CHEK2: variants seen among roughly 807,000 people sequenced by gnomAD.
The protein encoded by CHEK2 is serine/threonine-protein kinase Chk2.
In CHEK2, 71 loss-of-function variants were observed where a neutral mutation model predicts 69.1. The observed-to-expected ratio is 1.03, with a 90% CI of 0.85 to 1.25. CHEK2 has a LOEUF of 1.25. CHEK2 is among the 50% of genes most tolerant of loss of function. The pLI is 0.00. For synonymous variants in CHEK2, 189 were observed against 226.9 expected, an observed-to-expected ratio of 0.83 and a Z score of 1.50; for missense variants, 664 against 649.6, an observed-to-expected ratio of 1.02 and a Z score of -0.24.
intron 7 of CHEK2, among the ~76,000 whole-genome samples, chr22:28,706,957 A>G (rs1022350729): frequency 2.6e-5 from 4 of 152,126 alleles, no homozygotes; most frequent in Non-Finnish European, 5.9e-5. Flanking sequence ...CAAAAAGAAA[A>G]GACACATATA....
intron 4 of CHEK2, among the ~76,000 whole-genome samples, chr22:28,720,085 A>G (rs577178044): frequency 7.1e-6 from 1 of 140,530 alleles, no homozygotes; most frequent in African/African-American, 2.6e-5. Context: ...GTATCTTAAA[A>G]AAAGTAATTT....
At chr22:28,734,749 A>T in intron 1 of CHEK2, 22 bp from the exon 2 acceptor site, 1 of 1,606,966 alleles carries the variant, frequency 6.2e-7, no homozygotes, top group Non-Finnish European at 8.5e-7. Flanking sequence ...AGTGTCCAAC[A>T]ACAAAGGTGA....
rs1601723329 is a variant in CHEK2, at chr22:28,695,837, T to A, written c.1132A>T (p.Thr378Ser). 5 of 1,613,194 alleles carry A rather than the reference T, an allele frequency of 3.1e-6. No individual in the cohort carries two copies. Among genetic ancestry groups the A allele is most frequent in the Non-Finnish European group, 4.2e-6 (5 of 1,179,356 alleles). The stretch of plus-strand genomic sequence containing the variant: ...CCACATAAGGTTCTCATGAGAGAGG[T>A]CTCTCCCAAAATCTTGGAGTGCCCA... The part of the protein sequence containing the change: ...DFGHSKILGE[T>S]SLMRTLCGTP... The change falls in exon 11 of 15, where the codon ACC (threonine) becomes TCC (serine). Residue 378 changes from threonine to serine, a missense_variant. Transcript: ENST00000404276.
chr22:28,697,216 C>A, intron 9 of CHEK2, among the ~76,000 whole-genome samples: 1 of 152,132 alleles, frequency 6.6e-6, no homozygotes, highest in Non-Finnish European at 1.5e-5. Flanking sequence ...ATTAACCTTT[C>A]ATTTCACTTT....
chr22:28,700,540 C>A (rs982154491), intron 8 of CHEK2, among the ~76,000 whole-genome samples: 1 of 152,002 alleles, frequency 6.6e-6, no homozygotes. Flanking sequence ...TTATCACACA[C>A]CACAGATGAT....
At chr22:28,720,146 AG>A (rs747800847) in intron 4 of CHEK2, among the ~76,000 whole-genome samples, 4 of 143,594 alleles carry the variant, frequency 2.8e-5, no homozygotes, top group Non-Finnish European at 6.0e-5. Context: ...GCTGGAGTGC[AG>A]TGGCATGACC....
chr22:28,703,105 C>A (rs1019897533), intron 8 of CHEK2, among the ~76,000 whole-genome samples: 8 of 152,150 alleles, frequency 5.3e-5, no homozygotes, highest in African/African-American at 1.4e-4. Context: ...ACACATGTGC[C>A]AGGTGCTCTG....
At chr22:28,737,918 AGG>A (rs2054458982) in intron 1 of CHEK2, 1 of 152,272 alleles carries the variant, frequency 6.6e-6, no homozygotes. Context: ...CAAGATACAA[AGG>A]TTCTGCCAGG....
intron 9 of CHEK2, among the ~76,000 whole-genome samples, chr22:28,698,032 C>T (rs1569117803): frequency 6.6e-6 from 1 of 151,682 alleles, no homozygotes; most frequent in Non-Finnish European, 1.5e-5. Context: ...TTGCGTTGTA[C>T]CCCATAAACA....
chr22:28,738,723 T>C (rs1406834537), intron 1 of CHEK2, among the ~76,000 whole-genome samples: 1 of 152,170 alleles, frequency 6.6e-6, no homozygotes, highest in African/African-American at 2.4e-5. Flanking sequence ...ACACTCATCT[T>C]GGGCACAGGT....
intron 12 of CHEK2, 42 bp downstream of exon 12, chr22:28,695,085 A>G (rs2052508928): frequency 2.4e-6 from 3 of 1,252,276 alleles, no homozygotes; most frequent in South Asian, 1.2e-5. Context: ...GCACATACAC[A>G]TTTTAGCATA....
chr22:28,724,350 G>T (rs1017839934), intron 4 of CHEK2, among the ~76,000 whole-genome samples: 2 of 151,872 alleles, frequency 1.3e-5, no homozygotes, highest in African/African-American at 4.8e-5. Flanking sequence ...CAGAGGTTGC[G>T]GTGAGCCGAG....
chr22:28,729,241 C>A, intron 2 of CHEK2: 1 of 255,482 alleles, frequency 3.9e-6, no homozygotes, highest in South Asian at 3.3e-5. Flanking sequence ...TACAAATGAC[C>A]AAACAAGAAT....
intron 2 of CHEK2, among the ~76,000 whole-genome samples, chr22:28,733,229 C>G (rs2054269986): frequency 6.6e-6 from 1 of 152,180 alleles, no homozygotes; most frequent in Non-Finnish European, 1.5e-5. Context: ...AACAAGTAGT[C>G]AACAAATGGC....
chr22:28,695,751 A>C lies in CHEK2; in HGVS notation c.1218T>G (p.Arg406=), dbSNP rs2052553322. The C allele has an allele frequency of 6.2e-7, 1 of 1,613,866 alleles. No individual in the cohort carries two copies. The highest frequency in any genetic ancestry group is 8.5e-7 in the Non-Finnish European group (1 of 1,179,740). Reference sequence around the variant, plus strand: ...CTCCTAAACTCCAGCAGTCCACAGCACGGTTATACCCAGCAGTCCCAACAG... The same window carrying C: ...CTCCTAAACTCCAGCAGTCCACAGCCCGGTTATACCCAGCAGTCCCAACAG... ...LVSVGTAGYN[R]AVDCWSLGVI... Residue 406 remains arginine, a synonymous_variant, in exon 11 of 15, where the codon CGT becomes CGG. Transcript: ENST00000404276.
At position 28,696,087 on chromosome 22, in the gene CHEK2, C is replaced by T. The variant is rs141025365; in HGVS notation, c.1096-214G>A. ...ATTCCTGAGCCTAGGAATCTCAACA[C>T]TCAGGCTTTCCAACTTAACCTATGT... On this transcript the variant is annotated intron_variant, in intron 10 of 14. Transcript: ENST00000404276. Among the ~76,000 whole-genome samples the T allele has an allele frequency of 4.1e-3, 629 of 152,304 alleles. 3 individuals carry two copies. The highest frequency in any genetic ancestry group is 0.013 in the South Asian group (61 of 4,824).
At chr22:28,701,954 ATT>A (rs35082981) in intron 8 of CHEK2, among the ~76,000 whole-genome samples, 3 of 145,718 alleles carry the variant, frequency 2.1e-5, no homozygotes, top group Admixed American at 6.9e-5. Context: ...CCCATATACT[ATT>A]TTTTTTTTTT....
chr22:28,688,252 T>C (rs1190480399), intron 14 of CHEK2, among the ~76,000 whole-genome samples: 1 of 152,152 alleles, frequency 6.6e-6, no homozygotes, highest in African/African-American at 2.4e-5. Context: ...ACCAACTTCC[T>C]CTTGATCGTC....
At chr22:28,731,765 C>G (rs2054224559) in intron 2 of CHEK2, among the ~76,000 whole-genome samples, 1 of 152,032 alleles carries the variant, frequency 6.6e-6, no homozygotes, top group Admixed American at 6.6e-5. Context: ...TGGGTTCAAG[C>G]TATCCTCCCA....
Sources: allele counts gnomAD v4.1 joint callset (sites outside exome capture counted in the v4.1 genomes callset), GRCh38; gene constraint gnomAD v4.1.1; transcripts MANE v1.5; gene names NCBI Gene and HGNC (gene_info 2026-07-23, HGNC 2026-07-21).